Variants in SNX29 observed in about 807,000 individuals in gnomAD.
SNX29 encodes the protein sorting nexin 29.
A neutral mutation model predicts 102.1 loss-of-function variants in SNX29; 78 were observed. That is an observed-to-expected ratio of 0.76 (90% CI 0.64 to 0.92). The LOEUF is 0.92. Ranked by LOEUF, SNX29 falls within the 40% of genes least tolerant of loss-of-function variation. The pLI is 0.00. For synonymous variants in SNX29, 580 were observed against 414.5 expected (o/e 1.40, Z -4.85); for missense variants, 1,280 against 1,061.7 (o/e 1.21, Z -2.86).
At position 12,566,418 on chromosome 16, in the gene SNX29, C is replaced by T. The variant is rs150777141; in HGVS notation, c.2319-2088C>T. On this transcript the variant is annotated intron_variant, in intron 20 of 20. Coordinates refer to ENST00000566228, the MANE Select transcript of SNX29 (RefSeq NM_032167.5). ...CAGGCACTCTCAGAGCCTGTTACCTCCAGGGCCTCTCCCCCCAAGCTCTGG... is the reference window on the plus strand; with the variant it reads ...CAGGCACTCTCAGAGCCTGTTACCTTCAGGGCCTCTCCCCCCAAGCTCTGG... Among the ~76,000 whole-genome samples, 3 of 47,250 alleles carry T rather than the reference C, an allele frequency of 6.3e-5. No individual in the cohort carries two copies. The East Asian group carries it at 1.3e-3, about 21-fold the overall frequency. 31.0% of individuals were successfully genotyped at this position (47,250 alleles called of 152,430 possible).
At chr16:12,441,611 A>G (rs1003796692) in intron 18 of SNX29, among the ~76,000 whole-genome samples, 3 of 152,194 alleles carry the variant, frequency 2.0e-5, no homozygotes, top group African/African-American at 7.2e-5. Context: ...TTGAAGCACA[A>G]AAGTTTTTAA....
At chr16:12,457,035 G>A (rs2086570904) in intron 18 of SNX29, among the ~76,000 whole-genome samples, 1 of 152,206 alleles carries the variant, frequency 6.6e-6, no homozygotes, top group Admixed American at 6.5e-5. Flanking sequence ...CCCTCTTCTA[G>A]TGGGCAGTAA....
chr16:12,345,354 A>G (rs760600569), intron 15 of SNX29, among the ~76,000 whole-genome samples: 4 of 152,186 alleles, frequency 2.6e-5, no homozygotes, highest in Non-Finnish European at 4.4e-5. Context: ...CATATAAAAT[A>G]GGGACAACAC....
intron 20 of SNX29, among the ~76,000 whole-genome samples, chr16:12,553,576 A>AG (rs1293035247): frequency 6.9e-6 from 1 of 145,682 alleles, no homozygotes; most frequent in Non-Finnish European, 1.5e-5. Flanking sequence ...GTGGGCTCTG[A>AG]GGATGCTTTG....
chr16:12,127,956 GGT>G (rs955363354), intron 12 of SNX29, among the ~76,000 whole-genome samples: 4 of 151,992 alleles, frequency 2.6e-5, no homozygotes, highest in Non-Finnish European at 5.9e-5. Flanking sequence ...GGGAGAGGGG[GGT>G]GTGTGTTCAC....
At chr16:12,092,696 T>C (rs1231171010) in intron 11 of SNX29, among the ~76,000 whole-genome samples, 1 of 152,236 alleles carries the variant, frequency 6.6e-6, no homozygotes, top group East Asian at 1.9e-4. Flanking sequence ...GCTGACCATC[T>C]GTTCTGGGAA....
intron 20 of SNX29, among the ~76,000 whole-genome samples, chr16:12,565,519 G>T (rs955106069): frequency 1.4e-4 from 22 of 152,296 alleles, no homozygotes; most frequent in African/African-American, 5.1e-4. Flanking sequence ...ACATGGCTCT[G>T]CTCCACATGG....
chr16:12,540,966 G>A (rs1008040826), intron 20 of SNX29, among the ~76,000 whole-genome samples: 12 of 152,206 alleles, frequency 7.9e-5, no homozygotes, highest in African/African-American at 2.9e-4. Flanking sequence ...AGTTCAGGCT[G>A]GAGGATGCTA....
At chr16:12,564,351 C>A (rs2078899729) in intron 20 of SNX29, among the ~76,000 whole-genome samples, 1 of 152,138 alleles carries the variant, frequency 6.6e-6, no homozygotes, top group African/African-American at 2.4e-5. Flanking sequence ...TTCAGGATGT[C>A]AAAGGAGCCA....
At chr16:12,163,886 G>A (rs1048642793) in intron 13 of SNX29, among the ~76,000 whole-genome samples, 6 of 152,140 alleles carry the variant, frequency 3.9e-5, no homozygotes, top group African/African-American at 1.4e-4. Context: ...GAGAGGGTGT[G>A]TCCAGATTTG....
intron 11 of SNX29, among the ~76,000 whole-genome samples, chr16:12,109,405 A>C (rs551251048): frequency 6.6e-4 from 100 of 152,266 alleles, no homozygotes; most frequent in African/African-American, 2.3e-3. Context: ...CCATGAGTGC[A>C]TGAATGGTTC....
rs79312756 is a variant in SNX29, at chr16:12,555,444, C to T, written c.2319-13062C>T. Among the ~76,000 whole-genome samples, 909 of 152,114 alleles carry T rather than the reference C, an allele frequency of 6.0e-3. 7 individuals carry two copies. Among genetic ancestry groups the T allele is most frequent in the African/African-American group, 8.8e-3 (365 of 41,516 alleles). Reference sequence around the variant, plus strand: ...TTGCTTTGTAGGAGACACTCATGTACGCAGGGTGTTTCCCTAGTTGACATG... The same window carrying T: ...TTGCTTTGTAGGAGACACTCATGTATGCAGGGTGTTTCCCTAGTTGACATG... On this transcript the variant is annotated intron_variant, in intron 20 of 20. Transcript: ENST00000566228.
At chr16:12,497,942 C>T (rs923188551) in intron 19 of SNX29, among the ~76,000 whole-genome samples, 3 of 152,170 alleles carry the variant, frequency 2.0e-5, no homozygotes, top group African/African-American at 4.8e-5. Flanking sequence ...TTTCTGTCCA[C>T]TCTCAGACAA....
chr16:12,221,206 C>G (rs995864729), intron 14 of SNX29, among the ~76,000 whole-genome samples: 1 of 151,600 alleles, frequency 6.6e-6, no homozygotes, highest in African/African-American at 2.4e-5. Context: ...GGCACTGATA[C>G]GCAGCAGGCT....
At chr16:12,372,753 G>T (rs1249314708) in intron 16 of SNX29, 1 of 152,204 alleles carries the variant, frequency 6.6e-6, no homozygotes, top group Non-Finnish European at 1.5e-5. Context: ...TGATCAGGAA[G>T]ATGGGCCTGT....
chr16:12,572,641 C>CCA lies in SNX29; in HGVS notation c.*4014_*4015dup. On this transcript the variant is annotated 3_prime_UTR_variant, in exon 21 of 21. Transcript: ENST00000566228. ...CCCCCAGAATCCATCCTTCATTCCT[C>CCA]CACCAAGCTCCTGTGTGAGCTGCAG... is the stretch of plus-strand genomic sequence containing the variant. 9.4e-7 allele frequency: 1 copy of CCA among 1,063,838 alleles called. No homozygotes were observed. The highest frequency in any genetic ancestry group is 1.1e-6 in the Non-Finnish European group (1 of 878,362). The allele number at this position is 1,063,838 out of a possible 1,614,324, so 65.9% of individuals were successfully genotyped here.
At chr16:12,480,726 C>A in intron 19 of SNX29, among the ~76,000 whole-genome samples, 1 of 152,200 alleles carries the variant, frequency 6.6e-6, no homozygotes, top group East Asian at 1.9e-4. Context: ...TAAATCTCAT[C>A]AGTCCTGAAA....
intron 1 of SNX29, among the ~76,000 whole-genome samples, chr16:11,985,880 T>A (rs1222964196): frequency 6.6e-6 from 1 of 151,028 alleles, no homozygotes; most frequent in African/African-American, 2.4e-5. Flanking sequence ...TCACCCAGGC[T>A]GGACTGTAGT....
At chr16:12,019,283 C>T (rs927768655) in intron 3 of SNX29, among the ~76,000 whole-genome samples, 1 of 152,228 alleles carries the variant, frequency 6.6e-6, no homozygotes, top group African/African-American at 2.4e-5. Flanking sequence ...TCTCGGCTCA[C>T]GGCAAGCTCC....
Sources: allele counts gnomAD v4.1 joint callset (sites outside exome capture counted in the v4.1 genomes callset), GRCh38; gene constraint gnomAD v4.1.1; transcripts MANE v1.5; gene names NCBI Gene and HGNC (gene_info 2026-07-23, HGNC 2026-07-21).